Variants in SLC25A30 observed in about 807,000 individuals in gnomAD.
SLC25A30 encodes the protein kidney mitochondrial carrier protein 1.
SLC25A30 carries 29 observed loss-of-function variants against 42.7 expected under a neutral mutation model. The observed-to-expected ratio is 0.68, with a 90% confidence interval of 0.51 to 0.93. SLC25A30 has a LOEUF of 0.93. SLC25A30 is among the 40% of genes least tolerant of loss of function. The pLI is 0.00. For synonymous variants in SLC25A30, 124 were observed against 131.0 expected (o/e 0.95, Z 0.37); for missense variants, 300 against 359.7 (o/e 0.83, Z 1.34).
At chr13:45,407,257 G>T (rs1326848246) in intron 3 of SLC25A30, among the ~76,000 whole-genome samples, 3 of 152,136 alleles carry the variant, frequency 2.0e-5, no homozygotes, top group Admixed American at 6.5e-5. Context: ...AAACTGGCCG[G>T]TTGTCATAGC....
the SLC25A30 span, among the ~76,000 whole-genome samples, chr13:45,430,923 T>C: frequency 6.6e-6 from 1 of 152,154 alleles, no homozygotes; most frequent in African/African-American, 2.4e-5. Context: ...AATCTCTAAA[T>C]ATTAGGATGC....
At chr13:45,424,436 T>TAAATATATAA in the SLC25A30 span, among the ~76,000 whole-genome samples, 10,452 of 56,300 alleles carry the variant, frequency 0.19, 1,739 homozygotes, top group Non-Finnish European at 0.25. Context: ...AATATATATA[T>TAAATATATAA]AAATATATAA....
In SLC25A30 at chr13:45,394,134, G is replaced by A. The variant is rs922382303; in HGVS notation, c.*1840C>T. 8.1e-6 allele frequency: 8 copies of A among 985,236 alleles called. No homozygotes were observed. In the African/African-American group the frequency reaches 1.4e-4, roughly 17 times the overall value. 61.0% of individuals were successfully genotyped at this position (985,236 alleles called of 1,614,324 possible). A position where few individuals can be genotyped will look rare whatever the true frequency, so the allele number is the denominator to read the frequency against. On this transcript the variant is annotated 3_prime_UTR_variant, in exon 10 of 10. Transcript: ENST00000519676. ...CCTAAGGTGTAGTTTAGAACAAGCAGCAAGGCCTGAATGAGCTCTGGGGTC... is the reference window on the plus strand; with the variant it reads ...CCTAAGGTGTAGTTTAGAACAAGCAACAAGGCCTGAATGAGCTCTGGGGTC...
At chr13:45,427,817 C>G in the SLC25A30 span, among the ~76,000 whole-genome samples, 2 of 148,356 alleles carry the variant, frequency 1.3e-5, no homozygotes, top group Non-Finnish European at 3.0e-5. Flanking sequence ...CATCTCGGCT[C>G]ACTGCAACCT....
chr13:45,400,457 G>A (rs1198350568), intron 7 of SLC25A30, among the ~76,000 whole-genome samples: 4 of 152,090 alleles, frequency 2.6e-5, no homozygotes, highest in Admixed American at 1.3e-4. Flanking sequence ...GTACTGACAC[G>A]AAGTCTGTAA....
In SLC25A30 at chr13:45,396,364, G is replaced by A. The variant is rs939983988; in HGVS notation, c.835-349C>T. 15 of 1,130,720 alleles carry A rather than the reference G, an allele frequency of 1.3e-5. No homozygotes were observed. The African/African-American group carries it at 2.1e-4, about 15-fold the overall frequency. 70.0% of individuals were successfully genotyped at this position (1,130,720 alleles called of 1,614,324 possible). A position where few individuals can be genotyped will look rare whatever the true frequency, so the allele number is the denominator to read the frequency against. Reference sequence around the variant, plus strand: ...AGAGAGAGTTAGCAAGCCCTGGGAAGCTCTCCTCAAAGGCTTCCACTATGC... The same window carrying A: ...AGAGAGAGTTAGCAAGCCCTGGGAAACTCTCCTCAAAGGCTTCCACTATGC... On this transcript the variant is annotated intron_variant, in intron 9 of 9. Transcript: ENST00000519676.
At chr13:45,396,743 G>C (rs1401293351) in intron 9 of SLC25A30, 1 of 157,544 alleles carries the variant, frequency 6.3e-6, no homozygotes, top group Non-Finnish European at 1.4e-5. Context: ...CTGTACTCCA[G>C]CCTGGGCGAC....
upstream of SLC25A30, among the ~76,000 whole-genome samples, chr13:45,419,145 A>G (rs925676403): frequency 1.4e-5 from 2 of 146,762 alleles, no homozygotes; most frequent in Non-Finnish European, 3.0e-5. Flanking sequence ...AAAAAAAAAA[A>G]AAAAAAGAAA....
At chr13:45,418,567 T>A (rs1343754621), upstream of SLC25A30, 1 of 103,694 alleles carries the variant, frequency 9.6e-6, no homozygotes, top group Non-Finnish European at 2.1e-5. Flanking sequence ...GATCTTCCCC[T>A]GCCGCTGCCT....
chr13:45,412,735 A>G (rs1409522028), intron 1 of SLC25A30, among the ~76,000 whole-genome samples: 2 of 152,240 alleles, frequency 1.3e-5, no homozygotes, highest in South Asian at 2.1e-4. Flanking sequence ...CCTTTTCCAT[A>G]ATAAGACCTT....
the SLC25A30 span, among the ~76,000 whole-genome samples, chr13:45,425,858 A>G: frequency 6.9e-6 from 1 of 145,528 alleles, no homozygotes; most frequent in Non-Finnish European, 1.5e-5. Flanking sequence ...ATGCCCAGGT[A>G]ATTTTTGTAT....
upstream of SLC25A30, among the ~76,000 whole-genome samples, chr13:45,422,712 G>C (rs1883919131): frequency 6.6e-6 from 1 of 152,092 alleles, no homozygotes; most frequent in Non-Finnish European, 1.5e-5. Flanking sequence ...TTGGGCATTT[G>C]TTTTTCTTGG....
In SLC25A30 at chr13:45,394,196, A is replaced by G; in HGVS notation, c.*1778T>C. ...TCTAGGGTTGCCCAGGGAGAGCTGG[A>G]CTTTCATCTGAGTCTCAGCAATTAA... On this transcript the variant is annotated 3_prime_UTR_variant, in exon 10 of 10. Coordinates refer to ENST00000519676, the MANE Select transcript of SLC25A30 (RefSeq NM_001010875.4). 1 of 985,306 alleles carries G rather than the reference A, an allele frequency of 1.0e-6. No individual in the cohort carries two copies. Among genetic ancestry groups the G allele is most frequent in the Non-Finnish European group, 1.2e-6 (1 of 829,916 alleles). 61.0% of individuals were successfully genotyped at this position (985,306 alleles called of 1,614,324 possible). A position where few individuals can be genotyped will look rare whatever the true frequency, so the allele number is the denominator to read the frequency against.
chr13:45,412,586 C>G (rs183107519), intron 1 of SLC25A30, among the ~76,000 whole-genome samples: 22 of 152,270 alleles, frequency 1.4e-4, no homozygotes, highest in Admixed American at 1.3e-4. Context: ...ACCATCATCA[C>G]CACAGCAGGC....
Position 45,395,186 on chromosome 13 carries a change from G to T in SLC25A30, c.*788C>A, listed in dbSNP as rs1393634353. The T allele has an allele frequency of 3.0e-6, 3 of 984,344 alleles. No individual in the cohort carries two copies. The highest frequency in any genetic ancestry group is 3.6e-6 in the Non-Finnish European group (3 of 829,098). The allele number at this position is 984,344 out of a possible 1,614,324, so 61.0% of individuals were successfully genotyped here. A position where few individuals can be genotyped will look rare whatever the true frequency, so the allele number is the denominator to read the frequency against. The stretch of plus-strand genomic sequence containing the variant: ...CGTTATTATCCCCATTTTACTCATT[G>T]AGAAATACATATGCTTTGCTAAAAA... On this transcript the variant is annotated 3_prime_UTR_variant, in exon 10 of 10. Transcript: ENST00000519676.
At chr13:45,430,672 G>A in the SLC25A30 span, among the ~76,000 whole-genome samples, 1 of 152,132 alleles carries the variant, frequency 6.6e-6, no homozygotes, top group East Asian at 1.9e-4. Context: ...AGCCAGACAT[G>A]GTGGTGTGCC....
At chr13:45,429,056 CTTTTTTTTTTTTTTTTTTTT>C in the SLC25A30 span, among the ~76,000 whole-genome samples, 1 of 93,860 alleles carries the variant, frequency 1.1e-5, no homozygotes. Context: ...TGTGCAAGCT[CTTTTTTTTTTTTTTTTTTTT>C]TTTTTTTTTT....
the SLC25A30 span, among the ~76,000 whole-genome samples, chr13:45,423,943 A>T: frequency 0.26 from 12,908 of 49,410 alleles, 1,220 homozygotes; most frequent in African/African-American, 0.31. Flanking sequence ...ATAAATATAT[A>T]AAAAAATATA....
chr13:45,400,170 C>A (rs566103806), intron 7 of SLC25A30, among the ~76,000 whole-genome samples: 18 of 151,622 alleles, frequency 1.2e-4, no homozygotes, highest in Non-Finnish European at 7.4e-5. Flanking sequence ...ACCTGTAATC[C>A]CAGCACTTTG....
Sources: allele counts gnomAD v4.1 joint callset (sites outside exome capture counted in the v4.1 genomes callset), GRCh38; gene constraint gnomAD v4.1.1; transcripts MANE v1.5; gene names NCBI Gene and HGNC (gene_info 2026-07-23, HGNC 2026-07-21).